Variants in STK39 observed in about 807,000 individuals in gnomAD.
STK39 encodes STE20/SPS1-related proline-alanine-rich protein kinase.
STK39 carries 20 observed loss-of-function variants against 77.8 expected under a neutral mutation model. The observed-to-expected ratio is 0.26, with a 90% confidence interval of 0.18 to 0.37. The LOEUF is 0.37. STK39 is among the 10% of genes least tolerant of loss of function. STK39 has a pLI of 1.00. For synonymous variants in STK39, 246 were observed against 234.1 expected (o/e 1.05, Z -0.47); for missense variants, 479 against 656.5 (o/e 0.73, Z 2.95).
intron 10 of STK39, among the ~76,000 whole-genome samples, chr2:168,076,844 G>A (rs2105407569): frequency 6.6e-6 from 1 of 152,222 alleles, no homozygotes; most frequent in Non-Finnish European, 1.5e-5. Context: ...TCTAATGACG[G>A]TGATTTTAAT....
At chr2:168,116,640 C>G (rs929733249) in intron 10 of STK39, among the ~76,000 whole-genome samples, 4 of 152,190 alleles carry the variant, frequency 2.6e-5, no homozygotes, top group African/African-American at 9.7e-5. Context: ...TACCACACCC[C>G]CTGCTGGCCT....
chr2:168,116,773 A>G (rs1201396955), intron 10 of STK39, among the ~76,000 whole-genome samples: 1 of 152,232 alleles, frequency 6.6e-6, no homozygotes, highest in Admixed American at 6.5e-5. Flanking sequence ...AAGTGCCATT[A>G]CTTTCCATTT....
In STK39 at chr2:168,145,737, C is replaced by G. The variant is rs548763346; in HGVS notation, c.629-4979G>C. 8.5e-5 allele frequency among the ~76,000 whole-genome samples: 13 copies of G among 152,274 alleles called. No individual in the cohort carries two copies. The South Asian group carries it at 2.7e-3, about 32-fold the overall frequency. On this transcript the variant is annotated intron_variant, in intron 5 of 17. Transcript: ENST00000355999. The stretch of plus-strand genomic sequence containing the variant: ...GTGATACCACAACCTAGGTGGTCAG[C>G]TGGCATTCTAACCAAGAATGTCCAG...
At chr2:168,103,516 T>C (rs1048082335) in intron 10 of STK39, among the ~76,000 whole-genome samples, 7 of 152,220 alleles carry the variant, frequency 4.6e-5, no homozygotes, top group Non-Finnish European at 1.0e-4. Context: ...GCTTTTATAT[T>C]CTAAATTACA....
At chr2:168,048,518 G>A (rs1386317298) in intron 14 of STK39, among the ~76,000 whole-genome samples, 1 of 151,716 alleles carries the variant, frequency 6.6e-6, no homozygotes, top group Non-Finnish European at 1.5e-5. Flanking sequence ...GGCCCGGCCC[G>A]GCCTATGCTT....
chr2:168,137,566 C>T (rs1458865175), intron 8 of STK39, among the ~76,000 whole-genome samples: 1 of 152,226 alleles, frequency 6.6e-6, no homozygotes, highest in African/African-American at 2.4e-5. Flanking sequence ...CTTCTGTTTA[C>T]ATGATTAATC....
chr2:168,047,563 C>A (rs1685277297), intron 14 of STK39, among the ~76,000 whole-genome samples: 1 of 152,162 alleles, frequency 6.6e-6, no homozygotes, highest in African/African-American at 2.4e-5. Flanking sequence ...ACAAAATCCC[C>A]AGAGCTTCTC....
chr2:168,069,820 G>T (rs1318929287), intron 12 of STK39, among the ~76,000 whole-genome samples: 1 of 152,158 alleles, frequency 6.6e-6, no homozygotes. Flanking sequence ...AAGGTTTCCA[G>T]CCAGGGTTGT....
chr2:168,126,214 A>G (rs1013609098), intron 10 of STK39, among the ~76,000 whole-genome samples: 4 of 152,162 alleles, frequency 2.6e-5, no homozygotes, highest in Non-Finnish European at 5.9e-5. Flanking sequence ...TAAGACAAAA[A>G]TCAATGGATC....
At chr2:167,956,692 ACACACTCTCTCTCTCT>A in intron 17 of STK39, among the ~76,000 whole-genome samples, 1 of 45,780 alleles carries the variant, frequency 2.2e-5, no homozygotes, top group South Asian at 6.1e-4. Flanking sequence ...ACACACACAC[ACACACTCTCTCTCTCT>A]CTCTCTCTCT....
intron 10 of STK39, among the ~76,000 whole-genome samples, chr2:168,101,156 A>G (rs1218889019): frequency 2.0e-5 from 3 of 152,154 alleles, no homozygotes; most frequent in Non-Finnish European, 4.4e-5. Context: ...GAGTTGAACA[A>G]TGAGAACACT....
intron 14 of STK39, among the ~76,000 whole-genome samples, chr2:168,018,253 A>G (rs887892923): frequency 6.6e-6 from 1 of 152,110 alleles, no homozygotes; most frequent in African/African-American, 2.4e-5. Flanking sequence ...TAATCCCAGA[A>G]CTTTGAGAGG....
chr2:168,185,601 C>G (rs999725534), intron 1 of STK39, among the ~76,000 whole-genome samples: 14 of 152,122 alleles, frequency 9.2e-5, no homozygotes, highest in Admixed American at 1.3e-4. Flanking sequence ...AGAAATATTT[C>G]ATGGAAATAT....
intron 3 of STK39, among the ~76,000 whole-genome samples, chr2:168,165,168 A>AC (rs1226217911): frequency 6.6e-6 from 1 of 152,218 alleles, no homozygotes; most frequent in Non-Finnish European, 1.5e-5. Context: ...GATATACCAT[A>AC]CCAGGCATGC....
chr2:167,968,334 T>C (rs1369439781), intron 16 of STK39, among the ~76,000 whole-genome samples: 1 of 152,220 alleles, frequency 6.6e-6, no homozygotes, highest in Non-Finnish European at 1.5e-5. Context: ...TAAATACTAG[T>C]TCTGTTTTAA....
At chr2:168,079,450 A>G (rs1396656842) in intron 10 of STK39, among the ~76,000 whole-genome samples, 1 of 152,162 alleles carries the variant, frequency 6.6e-6, no homozygotes, top group Non-Finnish European at 1.5e-5. Context: ...CAGCCCCAAC[A>G]TGTACTCTCT....
At chr2:168,147,146 A>T (rs1688160587) in intron 5 of STK39, among the ~76,000 whole-genome samples, 1 of 152,216 alleles carries the variant, frequency 6.6e-6, no homozygotes, top group Admixed American at 6.5e-5. Flanking sequence ...TGATTACCCA[A>T]CACAGAAAAA....
At chr2:168,207,682 A>G (rs1322292174) in intron 1 of STK39, among the ~76,000 whole-genome samples, 1 of 152,264 alleles carries the variant, frequency 6.6e-6, no homozygotes, top group Non-Finnish European at 1.5e-5. Context: ...GAGCCTTGAA[A>G]TGAACATGAC....
intron 7 of STK39, among the ~76,000 whole-genome samples, chr2:168,139,908 T>C (rs999980666): frequency 9.9e-5 from 15 of 151,952 alleles, no homozygotes; most frequent in Non-Finnish European, 5.9e-5. Flanking sequence ...AAAAAAAAGC[T>C]CTGAAAATCT....
Sources: gnomAD v4.1 joint callset for allele counts (sites outside exome capture counted in the v4.1 genomes callset) on GRCh38, gnomAD v4.1.1 for gene constraint, MANE v1.5 for transcripts, NCBI Gene and HGNC (gene_info 2026-07-23, HGNC 2026-07-21) for gene names.